GALNT17: variants seen among roughly 807,000 people sequenced by gnomAD.
GALNT17 encodes UDP-GalNAc:polypeptide N-acetylgalactosaminyltransferase-like 3.
A neutral mutation model predicts 63.7 loss-of-function variants in GALNT17; 29 were observed. The observed-to-expected ratio is 0.46, with a 90% CI of 0.34 to 0.62. GALNT17 has a LOEUF of 0.62. Ranked by LOEUF, GALNT17 falls within the 20% of genes least tolerant of loss-of-function variation. GALNT17 has a pLI of 0.01. For synonymous variants in GALNT17, 305 were observed against 318.3 expected (o/e 0.96, Z 0.45); for missense variants, 603 against 799.6 (o/e 0.75, Z 2.97).
intron 5 of GALNT17, among the ~76,000 whole-genome samples, chr7:71,552,609 T>A (rs1466691230): frequency 6.6e-6 from 1 of 151,730 alleles, no homozygotes; most frequent in Non-Finnish European, 1.5e-5. Context: ...CCCGGTTAAT[T>A]TCTTGTATGT....
At chr7:71,662,862 C>G (rs752992610) in intron 6 of GALNT17, among the ~76,000 whole-genome samples, 1 of 152,108 alleles carries the variant, frequency 6.6e-6, no homozygotes, top group Admixed American at 6.6e-5. Context: ...ATGTTTAGGT[C>G]GTTGATCCAT....
At chr7:71,263,673 CAGCACTTTGAG>C (rs1306808817) in intron 1 of GALNT17, among the ~76,000 whole-genome samples, 6 of 152,112 alleles carry the variant, frequency 3.9e-5, no homozygotes, top group African/African-American at 1.4e-4. Context: ...CCTGTAATCC[CAGCACTTTGAG>C]AGGCCAAGGC....
In GALNT17 at chr7:71,523,206, G is replaced by A. The variant is rs963574648; in HGVS notation, c.963-48079G>A. Among the ~76,000 whole-genome samples the A allele has an allele frequency of 2.1e-4, 32 of 152,154 alleles. 1 individual carries two copies. Among genetic ancestry groups the A allele is most frequent in the Non-Finnish European group, 4.7e-4 (32 of 68,030 alleles). On this transcript the variant is annotated intron_variant, in intron 5 of 10. Coordinates refer to ENST00000333538, the MANE Select transcript of GALNT17 (RefSeq NM_022479.3). The stretch of plus-strand genomic sequence containing the variant: ...TTTGGGAGGCCAAGGTGGGAGAATA[G>A]TTGAGGCCAAGAATTTGAGACCAGC...
At chr7:71,449,752 G>A (rs73177404) in intron 5 of GALNT17, among the ~76,000 whole-genome samples, 1 of 151,594 alleles carries the variant, frequency 6.6e-6, no homozygotes, top group Non-Finnish European at 1.5e-5. Flanking sequence ...TATATTAATC[G>A]ATTGTCTAAC....
chr7:71,334,959 C>T (rs1358167737), intron 1 of GALNT17, among the ~76,000 whole-genome samples: 4 of 152,178 alleles, frequency 2.6e-5, no homozygotes, highest in African/African-American at 9.7e-5. Context: ...GCTATTTCTT[C>T]TTGCTGTAGT....
chr7:71,695,906 T>C (rs1256152174), intron 9 of GALNT17, among the ~76,000 whole-genome samples: 9 of 152,166 alleles, frequency 5.9e-5, no homozygotes, highest in Admixed American at 5.9e-4. Flanking sequence ...GCCTCTTTCT[T>C]TGCTTGGCCC....
intron 1 of GALNT17, among the ~76,000 whole-genome samples, chr7:71,217,198 T>C (rs1033202705): frequency 1.4e-5 from 2 of 147,672 alleles, no homozygotes; most frequent in African/African-American, 2.5e-5. Flanking sequence ...CCCAGGCTGG[T>C]CTTGAACTCC....
At chr7:71,487,824 A>G (rs1408091492) in intron 5 of GALNT17, among the ~76,000 whole-genome samples, 5 of 152,274 alleles carry the variant, frequency 3.3e-5, no homozygotes, top group Admixed American at 3.3e-4. Flanking sequence ...TGGTCCAGGT[A>G]CTGGCCTAGT....
intron 6 of GALNT17, among the ~76,000 whole-genome samples, chr7:71,662,930 T>G (rs1324612018): frequency 6.6e-6 from 1 of 152,218 alleles, no homozygotes; most frequent in East Asian, 1.9e-4. Context: ...TTTTACATGT[T>G]GTTCCAGCAC....
intron 6 of GALNT17, among the ~76,000 whole-genome samples, chr7:71,619,763 C>T (rs1273894997): frequency 1.3e-4 from 19 of 151,872 alleles, no homozygotes; most frequent in Admixed American, 1.2e-3. Flanking sequence ...TCTTTTTTTC[C>T]TGTTGGATGC....
intron 1 of GALNT17, among the ~76,000 whole-genome samples, chr7:71,183,522 G>C (rs575634532): frequency 1.1e-4 from 16 of 152,226 alleles, no homozygotes; most frequent in Non-Finnish European, 2.2e-4. Context: ...GTTGATTCCA[G>C]ATATTGCTCG....
intron 1 of GALNT17, among the ~76,000 whole-genome samples, chr7:71,156,665 C>T (rs927209831): frequency 1.4e-5 from 2 of 145,844 alleles, no homozygotes; most frequent in African/African-American, 5.3e-5. Context: ...TCCCTTCCTT[C>T]TTCCCTCCCT....
chr7:71,501,110 C>T (rs1016017536), intron 5 of GALNT17, among the ~76,000 whole-genome samples: 1 of 152,106 alleles, frequency 6.6e-6, no homozygotes, highest in African/African-American at 2.4e-5. Context: ...GCTGGGATTA[C>T]ACGCGCTACC....
chr7:71,487,444 G>A (rs188410691), intron 5 of GALNT17, among the ~76,000 whole-genome samples: 15 of 152,226 alleles, frequency 9.9e-5, no homozygotes, highest in South Asian at 6.2e-4. Context: ...TCCATCCAGC[G>A]TCCAGGGAAT....
intron 1 of GALNT17, among the ~76,000 whole-genome samples, chr7:71,301,877 A>G (rs1220901344): frequency 6.6e-6 from 1 of 152,240 alleles, no homozygotes; most frequent in Non-Finnish European, 1.5e-5. Flanking sequence ...TCTGCTTTAT[A>G]TGCAGGGGTG....
At chr7:71,260,276 G>A (rs1790362640) in intron 1 of GALNT17, among the ~76,000 whole-genome samples, 1 of 152,154 alleles carries the variant, frequency 6.6e-6, no homozygotes, top group Non-Finnish European at 1.5e-5. Context: ...ATGATTTGCA[G>A]TGTCTCTTCC....
Position 71,270,190 on chromosome 7 carries a change from C to T in GALNT17, c.239-65360C>T, listed in dbSNP as rs144494450. On this transcript the variant is annotated intron_variant, in intron 1 of 10. Coordinates refer to ENST00000333538, the MANE Select transcript of GALNT17 (RefSeq NM_022479.3). ...ATTGAGAAACGTGTTGAAGGGTGCACAGCACATGTGGAGGAACTGTGATCT... is the reference window on the plus strand; with the variant it reads ...ATTGAGAAACGTGTTGAAGGGTGCATAGCACATGTGGAGGAACTGTGATCT... Among the ~76,000 whole-genome samples, 858 of 152,246 alleles carry T rather than the reference C, an allele frequency of 5.6e-3. 41 individuals carry two copies. Among genetic ancestry groups the T allele is most frequent in the Non-Finnish European group, 8.4e-4 (57 of 68,028 alleles).
chr7:71,481,318 G>A (rs949119030), intron 5 of GALNT17, among the ~76,000 whole-genome samples: 1 of 152,124 alleles, frequency 6.6e-6, no homozygotes, highest in Non-Finnish European at 1.5e-5. Flanking sequence ...GGGGTGGTGG[G>A]TGCACATGTG....
intron 1 of GALNT17, among the ~76,000 whole-genome samples, chr7:71,240,753 C>T (rs990175794): frequency 1.3e-5 from 2 of 151,774 alleles, no homozygotes; most frequent in Non-Finnish European, 2.9e-5. Context: ...CAGGCTCCGC[C>T]CCCCGGGTTC....
Sources: gnomAD v4.1 joint callset for allele counts (sites outside exome capture counted in the v4.1 genomes callset) on GRCh38, gnomAD v4.1.1 for gene constraint, MANE v1.5 for transcripts, NCBI Gene and HGNC (gene_info 2026-07-23, HGNC 2026-07-21) for gene names.